The following GAPVD1 variants were observed in gnomAD, a reference collection of about 807,000 sequenced individuals.
The protein encoded by GAPVD1 is GTPase activating protein and VPS9 domains 1, also known as GTPase-activating protein and VPS9 domain-containing protein 1.
A neutral mutation model predicts 155.5 loss-of-function variants in GAPVD1; 35 were observed. The ratio of observed to expected loss-of-function variants is 0.23; its 90% CI spans 0.17 to 0.30. The LOEUF (loss-of-function observed/expected upper bound fraction) is 0.30. Ranked by LOEUF, GAPVD1 falls within the 10% of genes least tolerant of loss-of-function variation. GAPVD1 has a pLI of 1.00. For synonymous variants in GAPVD1, 636 were observed against 619.7 expected (o/e 1.03, Z -0.39); for missense variants, 1,429 against 1,775.7 (o/e 0.80, Z 3.51).
At position 125,312,323 on chromosome 9, in the gene GAPVD1, T is replaced by C. The variant is rs981109382; in HGVS notation, c.1442-129T>C. Reference sequence around the variant, plus strand: ...TTTTGTTTTGTTTTGTTTTTTCTTATTTATATTTTTTACCACTCTTGTGCA... The same window carrying C: ...TTTTGTTTTGTTTTGTTTTTTCTTACTTATATTTTTTACCACTCTTGTGCA... On this transcript the variant is annotated intron_variant, in intron 8 of 27. Coordinates refer to ENST00000297933, the MANE Select transcript of GAPVD1 (RefSeq NM_001282680.3). 6.0e-5 allele frequency: 36 copies of C among 603,300 alleles called. No homozygotes were observed. The East Asian group carries it at 1.1e-3, about 18-fold the overall frequency. 37.4% of individuals were successfully genotyped at this position (603,300 alleles called of 1,614,324 possible). A position where few individuals can be genotyped will look rare whatever the true frequency, so the allele number is the denominator to read the frequency against.
At chr9:125,323,506 C>T (rs1844702073) in intron 10 of GAPVD1, among the ~76,000 whole-genome samples, 1 of 152,066 alleles carries the variant, frequency 6.6e-6, no homozygotes, top group Admixed American at 6.6e-5. Flanking sequence ...TGGGTTTCAC[C>T]ATGTTAGCCA....
intron 20 of GAPVD1, among the ~76,000 whole-genome samples, chr9:125,347,953 G>A (rs749906518): frequency 3.3e-5 from 5 of 152,008 alleles, no homozygotes; most frequent in Non-Finnish European, 7.4e-5. Flanking sequence ...ATACAATGAA[G>A]GTTCATCTAC....
At chr9:125,352,383 C>G (rs1315433006) in intron 23 of GAPVD1, among the ~76,000 whole-genome samples, 1 of 152,232 alleles carries the variant, frequency 6.6e-6, no homozygotes, top group Non-Finnish European at 1.5e-5. Context: ...GTGGAGGTTC[C>G]CAAACCCCAT....
At chr9:125,350,635 C>G in intron 22 of GAPVD1, 78 bp from the exon 23 acceptor site, 1 of 853,804 alleles carries the variant, frequency 1.2e-6, no homozygotes, top group Non-Finnish European at 1.9e-6. Flanking sequence ...GCAGAATTGA[C>G]GTCCCAAATG....
intron 6 of GAPVD1, among the ~76,000 whole-genome samples, chr9:125,306,170 G>A (rs1841763134): frequency 6.6e-6 from 1 of 151,132 alleles, no homozygotes; most frequent in Admixed American, 6.6e-5. Flanking sequence ...TTGAGACAGA[G>A]TTTCCTTCTT....
At chr9:125,352,214 C>G (rs1849388854) in intron 23 of GAPVD1, among the ~76,000 whole-genome samples, 1 of 152,230 alleles carries the variant, frequency 6.6e-6, no homozygotes, top group African/African-American at 2.4e-5. Flanking sequence ...CTTCTCACAG[C>G]TCTACTAGGC....
Position 125,355,781 on chromosome 9 carries a change from A to G in GAPVD1, c.3895A>G (p.Ile1299Val), listed in dbSNP as rs775289671. 6.2e-7 allele frequency: 1 copy of G among 1,613,580 alleles called. No individual in the cohort carries two copies. Among genetic ancestry groups the G allele is most frequent in the Non-Finnish European group, 8.5e-7 (1 of 1,179,600 alleles). Residue 1299 changes from isoleucine (I) to valine (V), a missense_variant, in exon 25 of 28, where the codon ATT (isoleucine) becomes GTT (valine). Transcript: ENST00000297933. ...EEQLQDAQLA[I>V]ERSVMNRIFK... Reference sequence around the variant, plus strand: ...ACAGCTTCAAGATGCACAGCTGGCCATTGAGCGAAGCGTGATGAACCGGAT... The same window carrying G: ...ACAGCTTCAAGATGCACAGCTGGCCGTTGAGCGAAGCGTGATGAACCGGAT...
rs767608005 is a variant in GAPVD1, at chr9:125,346,926, A to G, written c.3154A>G (p.Asn1052Asp). ...CAGCCCCAGTGATGGAGCAATGGCAAACTATGAAAGTACAGGTGATAATCA... is the reference window on the plus strand; with the variant it reads ...CAGCCCCAGTGATGGAGCAATGGCAGACTATGAAAGTACAGGTGATAATCA... ...RTSPSDGAMANYESTEVMGDG... is the reference protein window; with the variant it reads ...RTSPSDGAMADYESTEVMGDG... The change falls in exon 20 of 28, where the codon AAC becomes GAC. Residue 1052 changes from asparagine to aspartate, a missense_variant. Coordinates refer to ENST00000297933, the MANE Select transcript of GAPVD1 (RefSeq NM_001282680.3). 6.2e-7 allele frequency: 1 copy of G among 1,612,518 alleles called. No individual in the cohort carries two copies. The highest frequency in any genetic ancestry group is 8.5e-7 in the Non-Finnish European group (1 of 1,178,642).
At chr9:125,272,917 A>G (rs1835154207) in intron 2 of GAPVD1, among the ~76,000 whole-genome samples, 1 of 152,122 alleles carries the variant, frequency 6.6e-6, no homozygotes, top group Admixed American at 6.6e-5. Flanking sequence ...CTGAGGCTCA[A>G]AGTTCTCTTT....
rs1479159171 is a variant in GAPVD1, at chr9:125,293,830, A to AT, written c.-149-1628_-149-1627insT. Reference sequence around the variant, plus strand: ...TATATTTATATATGAAATATAAAAAAATATATATATAAAAATATATTTTAT... The same window carrying AT: ...TATATTTATATATGAAATATAAAAAATATATATATATAAAAATATATTTTAT... On this transcript the variant is annotated intron_variant, in intron 2 of 27. Coordinates refer to ENST00000297933, the MANE Select transcript of GAPVD1 (RefSeq NM_001282680.3). 1.6e-4 allele frequency among the ~76,000 whole-genome samples: 18 copies of AT among 116,000 alleles called. 1 individual carries two copies. Among genetic ancestry groups the AT allele is most frequent in the East Asian group, 2.9e-4 (1 of 3,390 alleles). The allele number at this position is 116,000 out of a possible 152,430, so 76.1% of individuals were successfully genotyped here. A position where few individuals can be genotyped will look rare whatever the true frequency, so the allele number is the denominator to read the frequency against.
Position 125,293,850 on chromosome 9 carries a change from TTTTATATA to T in GAPVD1, c.-149-1606_-149-1599del, listed in dbSNP as rs1564310694. 6.8e-4 allele frequency among the ~76,000 whole-genome samples: 29 copies of T among 42,860 alleles called. 1 individual carries two copies. Among genetic ancestry groups the T allele is most frequent in the East Asian group, 2.5e-3 (3 of 1,178 alleles). 28.1% of individuals were successfully genotyped at this position (42,860 alleles called of 152,430 possible). A position where few individuals can be genotyped will look rare whatever the true frequency, so the allele number is the denominator to read the frequency against. ...AAAAAAATATATATATAAAAATATATTTTATATATATATATATATATATATATATATAT... is the reference window on the plus strand; with the variant it reads ...AAAAAAATATATATATAAAAATATATTATATATATATATATATATATATAT... On this transcript the variant is annotated intron_variant, in intron 2 of 27. Coordinates refer to ENST00000297933, the MANE Select transcript of GAPVD1 (RefSeq NM_001282680.3).
chr9:125,341,450 G>A, intron 18 of GAPVD1, 186 bp downstream of exon 18: 1 of 499,406 alleles, frequency 2.0e-6, no homozygotes, highest in Non-Finnish European at 3.5e-6. Context: ...AAATGTTCTT[G>A]TTCTTTGCAG....
At chr9:125,292,399 G>T (rs1407561060) in intron 2 of GAPVD1, among the ~76,000 whole-genome samples, 1 of 150,872 alleles carries the variant, frequency 6.6e-6, no homozygotes, top group Non-Finnish European at 1.5e-5. Context: ...GTCCAGGGTA[G>T]ATTTTTTTTT....
intron 1 of GAPVD1, among the ~76,000 whole-genome samples, chr9:125,265,520 C>T (rs913491957): frequency 5.3e-5 from 8 of 151,422 alleles, no homozygotes; most frequent in African/African-American, 1.5e-4. Flanking sequence ...CAGCGATTCT[C>T]CTGCCTCAGT....
intron 23 of GAPVD1, among the ~76,000 whole-genome samples, chr9:125,352,998 C>T (rs983936042): frequency 2.0e-5 from 3 of 151,932 alleles, no homozygotes; most frequent in Admixed American, 6.6e-5. Context: ...ATCCTAGCTA[C>T]TTGGGAGGCT....
intron 6 of GAPVD1, 141 bp from the exon 7 acceptor site, chr9:125,307,268 CAAAA>C (rs34896429): frequency 2.2e-4 from 100 of 453,128 alleles, no homozygotes; most frequent in South Asian, 6.1e-4. Flanking sequence ...AACTTTGTCT[CAAAA>C]AAAAAAAAAA....
chr9:125,363,983 G>T lies in GAPVD1; in HGVS notation c.*1237G>T, dbSNP rs2132793514. The T allele has an allele frequency of 6.5e-6, 1 of 152,716 alleles. No individual in the cohort carries two copies. Among genetic ancestry groups the T allele is most frequent in the African/African-American group, 2.4e-5 (1 of 41,570 alleles). 9.5% of individuals were successfully genotyped at this position (152,716 alleles called of 1,614,324 possible). A position where few individuals can be genotyped will look rare whatever the true frequency, so the allele number is the denominator to read the frequency against. Reference sequence around the variant, plus strand: ...AAATTGGCCATGGAGGCACACCAAAGCTTCAAGCACAAGTCTTGTACATGG... The same window carrying T: ...AAATTGGCCATGGAGGCACACCAAATCTTCAAGCACAAGTCTTGTACATGG... On this transcript the variant is annotated 3_prime_UTR_variant, in exon 28 of 28. Transcript: ENST00000297933.
intron 8 of GAPVD1, chr9:125,308,863 A>C (rs1842257350): frequency 6.6e-6 from 1 of 152,182 alleles, no homozygotes; most frequent in African/African-American, 2.4e-5. Flanking sequence ...AAGCGTTCTG[A>C]GGAGATAAAT....
intron 5 of GAPVD1, chr9:125,303,952 C>T (rs1296720970): frequency 6.6e-6 from 1 of 151,916 alleles, no homozygotes; most frequent in African/African-American, 2.4e-5. Context: ...ATTTGTGTGT[C>T]ATCCTTGCAC....
Sources: allele counts gnomAD v4.1 joint callset (sites outside exome capture counted in the v4.1 genomes callset), GRCh38; gene constraint gnomAD v4.1.1; transcripts MANE v1.5; gene names NCBI Gene and HGNC (gene_info 2026-07-23, HGNC 2026-07-21).